Variants in MUC7 observed in about 807,000 individuals in gnomAD.
MUC7 encodes mucin 7, secreted.
A neutral mutation model predicts 2.5 loss-of-function variants in MUC7; 2 were observed. The observed-to-expected ratio is 0.81, with a 90% CI of 0.33 to 2.55. The LOEUF is 2.55. Among genes scored for constraint, MUC7 ranks in the 30% most tolerant of loss-of-function variants. The probability of loss-of-function intolerance (pLI) is 0.11; values close to 1 mark genes in which losing one functional copy is unlikely to be tolerated. For synonymous variants in MUC7, 133 were observed against 173.4 expected (o/e 0.77, Z 1.83); for missense variants, 408 against 455.6 (o/e 0.90, Z 0.95).
chr4:70,445,359 G>T (rs1040433649), intron 1 of MUC7, among the ~76,000 whole-genome samples: 4 of 152,140 alleles, frequency 2.6e-5, no homozygotes, highest in Non-Finnish European at 5.9e-5. Flanking sequence ...TATAACAATT[G>T]CCCCAGCACA....
intron 1 of MUC7, among the ~76,000 whole-genome samples, chr4:70,457,573 G>A (rs1734444586): frequency 6.6e-6 from 1 of 152,064 alleles, no homozygotes; most frequent in East Asian, 1.9e-4. Context: ...CTCAAAAATT[G>A]TTTCCTTGCA....
At chr4:70,475,581 G>C (rs1021779748) in intron 2 of MUC7, among the ~76,000 whole-genome samples, 7 of 152,134 alleles carry the variant, frequency 4.6e-5, no homozygotes. Flanking sequence ...CTACAAAGTG[G>C]ACCTTCTATC....
At chr4:70,446,215 A>G (rs1734130404) in intron 1 of MUC7, among the ~76,000 whole-genome samples, 1 of 152,204 alleles carries the variant, frequency 6.6e-6, no homozygotes, top group African/African-American at 2.4e-5. Flanking sequence ...ATAGATACAT[A>G]TGAATATGAA....
At chr4:70,438,325 C>T (rs1733913509) in intron 1 of MUC7, among the ~76,000 whole-genome samples, 1 of 152,128 alleles carries the variant, frequency 6.6e-6, no homozygotes, top group South Asian at 2.1e-4. Context: ...AAAATAATAA[C>T]TATCATAAAG....
intron 1 of MUC7, among the ~76,000 whole-genome samples, chr4:70,447,795 A>G (rs1734182101): frequency 1.3e-5 from 2 of 152,142 alleles, no homozygotes; most frequent in African/African-American, 4.8e-5. Context: ...AAACAATCCA[A>G]CTATACTCTT....
intron 1 of MUC7, among the ~76,000 whole-genome samples, chr4:70,436,526 T>C (rs1333970078): frequency 1.3e-5 from 2 of 152,220 alleles, no homozygotes; most frequent in Non-Finnish European, 1.5e-5. Context: ...CAAAAAGTTC[T>C]CATGCTGTGG....
chr4:70,462,241 GAGAGAA>G (rs1186872395), intron 1 of MUC7, among the ~76,000 whole-genome samples: 1 of 151,670 alleles, frequency 6.6e-6, no homozygotes, highest in Non-Finnish European at 1.5e-5. Context: ...GAGAGAGAGA[GAGAGAA>G]AGATTAACAA....
intron 2 of MUC7, 64 bp from the exon 3 acceptor site, chr4:70,480,735 A>C (rs530302327): frequency 1.3e-6 from 2 of 1,521,988 alleles, no homozygotes; most frequent in South Asian, 2.5e-5. Context: ...CATGGTCAGC[A>C]GTGATCACCT....
chr4:70,452,671 T>C (rs1394789484), intron 1 of MUC7, among the ~76,000 whole-genome samples: 1 of 152,232 alleles, frequency 6.6e-6, no homozygotes, highest in Non-Finnish European at 1.5e-5. Flanking sequence ...GTAGTTACTA[T>C]ATTTGATTGG....
chr4:70,476,288 C>A (rs1458538921), intron 2 of MUC7, among the ~76,000 whole-genome samples: 1 of 152,114 alleles, frequency 6.6e-6, no homozygotes. Flanking sequence ...CCCTGGCTAC[C>A]AACACCTCTA....
intron 2 of MUC7, among the ~76,000 whole-genome samples, chr4:70,474,663 G>A (rs1734943267): frequency 6.6e-6 from 1 of 152,124 alleles, no homozygotes; most frequent in Admixed American, 6.5e-5. Flanking sequence ...TGAGTGTGAT[G>A]AGAACTGACA....
intron 1 of MUC7, among the ~76,000 whole-genome samples, chr4:70,436,497 T>C (rs1035863337): frequency 3.9e-5 from 6 of 152,196 alleles, no homozygotes; most frequent in African/African-American, 1.4e-4. Context: ...AAATCGGCTA[T>C]TGAAGCTTGT....
chr4:70,434,734 C>G (rs1458832930), intron 1 of MUC7, among the ~76,000 whole-genome samples: 1 of 152,104 alleles, frequency 6.6e-6, no homozygotes, highest in African/African-American at 2.4e-5. Context: ...TTAATAATTT[C>G]TTGCCTTCTG....
At chr4:70,434,108 C>G (rs565256526) in intron 1 of MUC7, among the ~76,000 whole-genome samples, 1 of 152,014 alleles carries the variant, frequency 6.6e-6, no homozygotes, top group East Asian at 1.9e-4. Context: ...TGATGTGCTG[C>G]TGGATTAAGT....
intron 1 of MUC7, among the ~76,000 whole-genome samples, chr4:70,439,048 TAAAG>T (rs1560544668): frequency 6.6e-6 from 1 of 151,976 alleles, no homozygotes; most frequent in Non-Finnish European, 1.5e-5. Context: ...AGAAACAAAA[TAAAG>T]AAATTGTTTT....
chr4:70,461,015 G>A (rs925672818), intron 1 of MUC7, among the ~76,000 whole-genome samples: 32 of 152,246 alleles, frequency 2.1e-4, no homozygotes, highest in African/African-American at 6.0e-4. Context: ...GATTGTTTCC[G>A]TGCAGTGAGG....
chr4:70,463,692 T>G (rs1004486310), intron 1 of MUC7, among the ~76,000 whole-genome samples: 2 of 152,208 alleles, frequency 1.3e-5, no homozygotes, highest in Admixed American at 1.3e-4. Flanking sequence ...TTTAAATTTT[T>G]GTGTAATTGG....
chr4:70,449,054 G>T (rs1182974219), intron 1 of MUC7, among the ~76,000 whole-genome samples: 1 of 152,052 alleles, frequency 6.6e-6, no homozygotes, highest in Non-Finnish European at 1.5e-5. Flanking sequence ...GGATGTTCTT[G>T]GCCTGTAGTT....
Position 70,480,792 on chromosome 4 carries a change from TC to T in MUC7, c.55-6del. ...TTCATTTCTTACATTTTCTTTCTTT[TC>T]TGCAGTTCAGTGAAGGTCGAGAAAG... On this transcript the variant is annotated splice_region_variant and splice_polypyrimidine_tract_variant and intron_variant, in intron 2 of 2. Transcript: ENST00000304887. 6.2e-7 allele frequency: 1 copy of T among 1,605,532 alleles called. No homozygotes were observed. The highest frequency in any genetic ancestry group is 8.5e-7 in the Non-Finnish European group (1 of 1,174,508).
Sources: gnomAD v4.1 joint callset for allele counts (sites outside exome capture counted in the v4.1 genomes callset) on GRCh38, gnomAD v4.1.1 for gene constraint, MANE v1.5 for transcripts, NCBI Gene and HGNC (gene_info 2026-07-23, HGNC 2026-07-21) for gene names.